NR6A1: variants seen among roughly 807,000 people sequenced by gnomAD.
The protein encoded by NR6A1 is retinoic acid receptor-related testis-associated receptor.
In NR6A1, 7 loss-of-function variants were observed where a neutral mutation model predicts 59.1. The ratio of observed to expected loss-of-function variants is 0.12; its 90% CI spans 0.07 to 0.22. The LOEUF (loss-of-function observed/expected upper bound fraction) is 0.22, where lower values mean the gene tolerates loss of function less well. Among genes scored for constraint, NR6A1 ranks in the 10% least tolerant of loss-of-function variants. The pLI, the probability that NR6A1 is intolerant of heterozygous loss-of-function variation, is 1.00. For missense variants in NR6A1, 468 were observed against 611.6 expected (o/e 0.77, Z 2.48); for synonymous variants, 243 against 236.1 (o/e 1.03, Z -0.27).
chr9:124,696,458 T>TA (rs1398524789), intron 2 of NR6A1, among the ~76,000 whole-genome samples: 1 of 151,020 alleles, frequency 6.6e-6, no homozygotes, highest in Non-Finnish European at 1.5e-5. Flanking sequence ...TCAAGATACT[T>TA]AAAATGCATG....
chr9:124,585,880 T>C (rs1192657280), intron 2 of NR6A1, among the ~76,000 whole-genome samples: 1 of 152,128 alleles, frequency 6.6e-6, no homozygotes, highest in Non-Finnish European at 1.5e-5. Flanking sequence ...GTTCTATAAA[T>C]GGAACAACAA....
chr9:124,735,675 G>C (rs1196001819), intron 1 of NR6A1, among the ~76,000 whole-genome samples: 1 of 152,206 alleles, frequency 6.6e-6, no homozygotes, highest in Non-Finnish European at 1.5e-5. Flanking sequence ...AAGGCAATGG[G>C]AATCAGAAAA....
intron 2 of NR6A1, among the ~76,000 whole-genome samples, chr9:124,566,171 A>C (rs1181479458): frequency 6.6e-6 from 1 of 152,244 alleles, no homozygotes; most frequent in Non-Finnish European, 1.5e-5. Flanking sequence ...AATGGGCGAA[A>C]GAAGTGCGAA....
At chr9:124,528,442 T>C (rs1043681420) in intron 7 of NR6A1, among the ~76,000 whole-genome samples, 26 of 152,208 alleles carry the variant, frequency 1.7e-4, no homozygotes, top group African/African-American at 6.0e-4. Context: ...GGCTCACACC[T>C]GTAGTCCTAG....
intron 2 of NR6A1, among the ~76,000 whole-genome samples, chr9:124,576,928 T>C (rs916098074): frequency 2.6e-5 from 4 of 152,098 alleles, no homozygotes; most frequent in African/African-American, 9.7e-5. Context: ...TGGTGGTGTA[T>C]GCCTGTAGTC....
intron 2 of NR6A1, among the ~76,000 whole-genome samples, chr9:124,663,966 C>T (rs1433773819): frequency 6.6e-6 from 1 of 152,106 alleles, no homozygotes; most frequent in Non-Finnish European, 1.5e-5. Flanking sequence ...CCTAGAGACT[C>T]TTCTGAGTAA....
At chr9:124,571,899 T>A (rs2131432599) in intron 2 of NR6A1, among the ~76,000 whole-genome samples, 1 of 152,136 alleles carries the variant, frequency 6.6e-6, no homozygotes, top group Non-Finnish European at 1.5e-5. Flanking sequence ...TAGTTAAGTT[T>A]GATGAGTTTC....
At chr9:124,639,588 G>A (rs1027235923) in intron 2 of NR6A1, among the ~76,000 whole-genome samples, 2 of 152,066 alleles carry the variant, frequency 1.3e-5, no homozygotes, top group Non-Finnish European at 2.9e-5. Context: ...AGTGTAGACA[G>A]GGACAGTAGG....
chr9:124,578,919 T>C (rs2131452552), intron 2 of NR6A1, among the ~76,000 whole-genome samples: 1 of 152,332 alleles, frequency 6.6e-6, no homozygotes, highest in South Asian at 2.1e-4. Flanking sequence ...GAGAGGATTA[T>C]AGGGGACTAG....
chr9:124,618,819 A>G (rs914425412), intron 2 of NR6A1, among the ~76,000 whole-genome samples: 2 of 152,248 alleles, frequency 1.3e-5, no homozygotes, highest in Non-Finnish European at 2.9e-5. Flanking sequence ...CACTACAGTC[A>G]TAATAAATAA....
At chr9:124,682,582 CTTTAT>C (rs1339572060) in intron 2 of NR6A1, among the ~76,000 whole-genome samples, 1 of 152,042 alleles carries the variant, frequency 6.6e-6, no homozygotes, top group Non-Finnish European at 1.5e-5. Flanking sequence ...ATTTTTACAG[CTTTAT>C]TTTAAAATGT....
chr9:124,714,009 T>C (rs1839351515), intron 2 of NR6A1, among the ~76,000 whole-genome samples: 1 of 152,120 alleles, frequency 6.6e-6, no homozygotes, highest in Non-Finnish European at 1.5e-5. Context: ...CATCAATAGG[T>C]GAATGGATCA....
chr9:124,699,701 CATTT>C (rs540326851), intron 2 of NR6A1, among the ~76,000 whole-genome samples: 55 of 152,164 alleles, frequency 3.6e-4, no homozygotes, highest in Non-Finnish European at 6.3e-4. Context: ...TTTATTCATT[CATTT>C]ATAGACTTGT....
intron 2 of NR6A1, among the ~76,000 whole-genome samples, chr9:124,666,568 C>G (rs1233819360): frequency 6.6e-6 from 1 of 152,182 alleles, no homozygotes; most frequent in Non-Finnish European, 1.5e-5. Flanking sequence ...CATGAGCAAC[C>G]ATGCCCGGCC....
chr9:124,769,445 T>C (rs1016696723), intron 1 of NR6A1, among the ~76,000 whole-genome samples: 17 of 152,194 alleles, frequency 1.1e-4, no homozygotes, highest in African/African-American at 3.9e-4. Context: ...ATTTCCACCG[T>C]CTGTAGCTAC....
intron 3 of NR6A1, among the ~76,000 whole-genome samples, chr9:124,545,035 C>G (rs1833557962): frequency 6.6e-6 from 1 of 152,174 alleles, no homozygotes; most frequent in Non-Finnish European, 1.5e-5. Flanking sequence ...GGAAGTTCCC[C>G]AGGCAGGGAC....
At chr9:124,669,886 C>T (rs191727884) in intron 2 of NR6A1, among the ~76,000 whole-genome samples, 134 of 152,222 alleles carry the variant, frequency 8.8e-4, no homozygotes, top group African/African-American at 2.9e-3. Flanking sequence ...GGTGAGCCAC[C>T]GTGCCCAGCC....
intron 2 of NR6A1, among the ~76,000 whole-genome samples, chr9:124,690,698 T>A (rs10760371): frequency 6.6e-6 from 1 of 151,788 alleles, no homozygotes; most frequent in South Asian, 2.1e-4. Flanking sequence ...GCCTGGTCAC[T>A]CTTAGCTAAT....
At chr9:124,754,422 C>A (rs1188812204) in intron 1 of NR6A1, among the ~76,000 whole-genome samples, 1 of 152,162 alleles carries the variant, frequency 6.6e-6, no homozygotes. Flanking sequence ...AGGATTTCTG[C>A]CAAGTCAGAA....
Sources: gnomAD v4.1 joint callset for allele counts (sites outside exome capture counted in the v4.1 genomes callset) on GRCh38, gnomAD v4.1.1 for gene constraint, MANE v1.5 for transcripts, NCBI Gene and HGNC (gene_info 2026-07-23, HGNC 2026-07-21) for gene names.